Variants in VAV3 observed in about 807,000 individuals in gnomAD.
VAV3 encodes the protein vav guanine nucleotide exchange factor 3.
A neutral mutation model predicts 131.2 loss-of-function variants in VAV3; 94 were observed. The observed-to-expected ratio is 0.72, with a 90% confidence interval of 0.61 to 0.85. VAV3 has a LOEUF of 0.85. Among genes scored for constraint, VAV3 ranks in the 40% least tolerant of loss-of-function variants. VAV3 has a pLI of 0.00. For missense variants in VAV3, 939 were observed against 1,002.7 expected, an observed-to-expected ratio of 0.94 and a Z score of 0.86; for synonymous variants, 349 against 342.0, an observed-to-expected ratio of 1.02 and a Z score of -0.22.
intron 1 of VAV3, among the ~76,000 whole-genome samples, chr1:107,907,689 T>G (rs1220446439): frequency 2.9e-5 from 4 of 138,772 alleles, no homozygotes; most frequent in East Asian, 2.2e-4. Flanking sequence ...ACACACGCGC[T>G]CTCTCTCTCT....
Position 107,604,317 on chromosome 1 carries a change from T to C in VAV3, c.2016-1154A>G, listed in dbSNP as rs147929423. Among the ~76,000 whole-genome samples, 143 of 152,266 alleles carry C rather than the reference T, an allele frequency of 9.4e-4. 1 individual carries two copies. Among genetic ancestry groups the C allele is most frequent in the African/African-American group, 3.3e-3 (139 of 41,552 alleles). ...ATGACAGGCATTCAGCAAAAGTTTGTTGATGGAGGACATGTTAGGTTTCCA... is the reference window on the plus strand; with the variant it reads ...ATGACAGGCATTCAGCAAAAGTTTGCTGATGGAGGACATGTTAGGTTTCCA... On this transcript the variant is annotated intron_variant, in intron 22 of 26. Transcript: ENST00000370056.
intron 25 of VAV3, 78 bp from the exon 26 acceptor site, chr1:107,574,276 T>C (rs374895635): frequency 2.7e-5 from 42 of 1,528,404 alleles, no homozygotes; most frequent in East Asian, 1.4e-4. Flanking sequence ...ATGAATGTTA[T>C]TGATGCTATC....
chr1:107,820,615 T>C (rs779295953), intron 2 of VAV3, among the ~76,000 whole-genome samples: 34 of 152,226 alleles, frequency 2.2e-4, no homozygotes, highest in Non-Finnish European at 4.1e-4. Context: ...AAAAGTATAA[T>C]TGGAATATTT....
rs1175965984 is a variant in VAV3, at chr1:107,960,897, A to G, written c.204+3769T>C. Among the ~76,000 whole-genome samples, 5 of 151,982 alleles carry G rather than the reference A, an allele frequency of 3.3e-5. No homozygotes were observed. The East Asian group carries it at 7.7e-4, about 23-fold the overall frequency. On this transcript the variant is annotated intron_variant, in intron 1 of 26. Transcript: ENST00000370056. ...CTAACTCAGCTTCAAATGGGTTCAT[A>G]GCACATTATAGATAAATATATAAAT...
At chr1:107,777,576 C>CGTGCTT in intron 3 of VAV3, 1 of 439,848 alleles carries the variant, frequency 2.3e-6, no homozygotes, top group South Asian at 3.0e-5. Flanking sequence ...GTCATAATAA[C>CGTGCTT]GTGCTTATCT....
chr1:107,738,759 TATC>T (rs768571282), intron 15 of VAV3, among the ~76,000 whole-genome samples: 9 of 152,200 alleles, frequency 5.9e-5, no homozygotes, highest in Non-Finnish European at 1.2e-4. Flanking sequence ...GCTTGATTAT[TATC>T]ATAGAATTCA....
intron 20 of VAV3, among the ~76,000 whole-genome samples, chr1:107,618,821 T>C (rs1653358729): frequency 6.6e-6 from 1 of 152,158 alleles, no homozygotes; most frequent in South Asian, 2.1e-4. Context: ...AGAAAGACAG[T>C]GGGACTTAAA....
chr1:107,822,604 G>A (rs1051742206), intron 2 of VAV3, among the ~76,000 whole-genome samples: 5 of 151,600 alleles, frequency 3.3e-5, no homozygotes, highest in African/African-American at 4.9e-5. Flanking sequence ...GCAGTAAGCC[G>A]AGATCGTGCC....
At chr1:107,723,596 G>C (rs559946466) in intron 15 of VAV3, among the ~76,000 whole-genome samples, 1 of 122,256 alleles carries the variant, frequency 8.2e-6, no homozygotes, top group Admixed American at 9.6e-5. Flanking sequence ...TAGATCACAG[G>C]GCACAAAACA....
At position 107,573,943 on chromosome 1, in the gene VAV3, C is replaced by T. The variant is rs753378991; in HGVS notation, c.2502+104G>A. ...AGGGCAGAGGCCTGTGGGCTGAAAG[C>T]TGTAATACAGTATAGAGGCTTCTCC... is the stretch of plus-strand genomic sequence containing the variant. On this transcript the variant is annotated intron_variant, in intron 26 of 26. Transcript: ENST00000370056. The T allele has an allele frequency of 8.2e-6, 12 of 1,463,182 alleles. No homozygotes were observed. In the East Asian group the frequency reaches 2.5e-4, roughly 31 times the overall value. 90.6% of individuals were successfully genotyped at this position (1,463,182 alleles called of 1,614,324 possible).
intron 25 of VAV3, among the ~76,000 whole-genome samples, chr1:107,585,834 A>G (rs770984444): frequency 1.3e-5 from 2 of 152,210 alleles, no homozygotes; most frequent in African/African-American, 2.4e-5. Flanking sequence ...CAAATGCTCT[A>G]CACACACTGT....
intron 1 of VAV3, among the ~76,000 whole-genome samples, chr1:107,908,054 G>C (rs1672187874): frequency 6.6e-6 from 1 of 152,172 alleles, no homozygotes; most frequent in African/African-American, 2.4e-5. Context: ...TATATTATCT[G>C]TTGATGACAG....
chr1:107,632,187 T>C (rs6681818), intron 20 of VAV3, among the ~76,000 whole-genome samples: 1 of 151,962 alleles, frequency 6.6e-6, no homozygotes, highest in East Asian at 1.9e-4. Flanking sequence ...ATTACCATGG[T>C]CTCTTACCAA....
intron 19 of VAV3, chr1:107,672,055 G>A (rs1241881475): frequency 6.6e-6 from 1 of 152,060 alleles, no homozygotes; most frequent in South Asian, 2.1e-4. Flanking sequence ...ATTACATGAG[G>A]CCAAGAGTTT....
At chr1:107,762,052 C>A (rs768927038) in intron 9 of VAV3, among the ~76,000 whole-genome samples, 1 of 147,328 alleles carries the variant, frequency 6.8e-6, no homozygotes, top group Non-Finnish European at 1.5e-5. Context: ...CAACTGTTGG[C>A]GGTGTGACCT....
At chr1:107,692,266 C>A (rs1264859546) in intron 17 of VAV3, among the ~76,000 whole-genome samples, 1 of 152,114 alleles carries the variant, frequency 6.6e-6, no homozygotes, top group Non-Finnish European at 1.5e-5. Flanking sequence ...GAAAATAAAG[C>A]AAACCATAAA....
At chr1:107,753,549 T>TATATGTATATATATATACAC (rs771773884) in intron 12 of VAV3, among the ~76,000 whole-genome samples, 12,979 of 80,644 alleles carry the variant, frequency 0.16, 1,350 homozygotes, top group Non-Finnish European at 0.2. Flanking sequence ...TATATATATA[T>TATATGTATATATATATACAC]ACACACACAC....
intron 21 of VAV3, among the ~76,000 whole-genome samples, 176 bp downstream of exon 21, chr1:107,617,391 T>G (rs535987632): frequency 6.6e-6 from 1 of 152,126 alleles, no homozygotes; most frequent in African/African-American, 2.4e-5. Flanking sequence ...TTTCTTAATA[T>G]TAAAAAACAT....
At chr1:107,582,738 G>C (rs991059970) in intron 25 of VAV3, among the ~76,000 whole-genome samples, 1 of 151,994 alleles carries the variant, frequency 6.6e-6, no homozygotes, top group African/African-American at 2.4e-5. Context: ...CAAAGGACAT[G>C]AACTCATCAT....
Sources: gnomAD v4.1 joint callset for allele counts (sites outside exome capture counted in the v4.1 genomes callset) on GRCh38, gnomAD v4.1.1 for gene constraint, MANE v1.5 for transcripts, NCBI Gene and HGNC (gene_info 2026-07-23, HGNC 2026-07-21) for gene names.